Variants in RAC1 observed in about 807,000 individuals in gnomAD.
RAC1 encodes the protein ras-related C3 botulinum toxin substrate 1.
In RAC1, 2 loss-of-function variants were observed where a neutral mutation model predicts 25.2. The observed-to-expected ratio is 0.08, with a 90% confidence interval of 0.03 to 0.25. RAC1 has a LOEUF of 0.25. RAC1 is among the 10% of genes least tolerant of loss of function. The pLI is 1.00. For missense variants in RAC1, 50 were observed against 235.7 expected, an observed-to-expected ratio of 0.21 and a Z score of 5.16; for synonymous variants, 88 against 94.0, an observed-to-expected ratio of 0.94 and a Z score of 0.37.
chr7:6,382,949 G>C (rs1782812296), intron 1 of RAC1, among the ~76,000 whole-genome samples: 1 of 152,232 alleles, frequency 6.6e-6, no homozygotes, highest in African/African-American at 2.4e-5. Flanking sequence ...TATTTCTACA[G>C]GACAGGGCAG....
intron 3 of RAC1, chr7:6,399,811 T>A (rs1192373154): frequency 3.1e-6 from 1 of 320,678 alleles, no homozygotes; most frequent in Non-Finnish European, 5.8e-6. Context: ...TATACTTGAT[T>A]TTTTCATTTT....
At chr7:6,396,391 A>C (rs1783235494) in intron 3 of RAC1, among the ~76,000 whole-genome samples, 1 of 152,176 alleles carries the variant, frequency 6.6e-6, no homozygotes, top group African/African-American at 2.4e-5. Context: ...CAGAAGCACT[A>C]GACAGGGTTT....
intron 2 of RAC1, among the ~76,000 whole-genome samples, chr7:6,390,096 CTTTTTTTTT>C (rs34547258): frequency 1.3e-5 from 1 of 74,922 alleles, no homozygotes; most frequent in Admixed American, 2.1e-4. Context: ...CCCTCCCTCC[CTTTTTTTTT>C]TTTTTTTTTT....
intron 3 of RAC1, among the ~76,000 whole-genome samples, chr7:6,393,076 C>A (rs1044595363): frequency 6.6e-6 from 1 of 151,970 alleles, no homozygotes; most frequent in Non-Finnish European, 1.5e-5. Context: ...CTGGGTTGGC[C>A]GGAGGGATTG....
chr7:6,376,277 G>A (rs1373288066), intron 1 of RAC1, among the ~76,000 whole-genome samples: 1 of 134,100 alleles, frequency 7.5e-6, no homozygotes, highest in African/African-American at 2.9e-5. Context: ...CCGCCTCCCA[G>A]GTTCAAGCGA....
chr7:6,388,588 C>T (rs1215284936), intron 2 of RAC1, among the ~76,000 whole-genome samples: 1 of 151,980 alleles, frequency 6.6e-6, no homozygotes. Context: ...AGGTGATCTG[C>T]CCACTTCAGC....
chr7:6,376,417 C>G (rs1293566053), intron 1 of RAC1, among the ~76,000 whole-genome samples: 1 of 151,318 alleles, frequency 6.6e-6, no homozygotes, highest in Non-Finnish European at 1.5e-5. Context: ...TTCCTGACCT[C>G]AGGTGATCCA....
intron 2 of RAC1, among the ~76,000 whole-genome samples, chr7:6,388,854 A>G (rs966302309): frequency 2.0e-5 from 3 of 152,216 alleles, no homozygotes; most frequent in Non-Finnish European, 4.4e-5. Context: ...TACACTTGAT[A>G]GATTATTAGA....
At chr7:6,378,486 C>T (rs1043164091) in intron 1 of RAC1, among the ~76,000 whole-genome samples, 3 of 151,826 alleles carry the variant, frequency 2.0e-5, no homozygotes, top group Admixed American at 6.6e-5. Flanking sequence ...GCGGAAGTTG[C>T]AGTGAGCTGA....
At position 6,387,297 on chromosome 7, in the gene RAC1, A is replaced by G. The variant is rs759628193; in HGVS notation, c.107+14A>G. 4.0e-6 allele frequency: 6 copies of G among 1,512,432 alleles called. No individual in the cohort carries two copies. Among genetic ancestry groups the G allele is most frequent in the South Asian group, 1.2e-5 (1 of 82,600 alleles). 93.7% of individuals were successfully genotyped at this position (1,512,432 alleles called of 1,614,324 possible). On this transcript the variant is annotated intron_variant, in intron 2 of 5. Coordinates refer to ENST00000348035, the MANE Select transcript of RAC1 (RefSeq NM_006908.5). ...TATCCCTACTGTGTAAGTATCTTAA[A>G]TTGGGAATTAACCTGTTTGTGTTAC...
chr7:6,390,852 T>C (rs1011953152), intron 2 of RAC1, among the ~76,000 whole-genome samples: 4 of 152,180 alleles, frequency 2.6e-5, no homozygotes, highest in East Asian at 1.9e-4. Context: ...TTTTTTCTTA[T>C]GGAAATATAA....
At chr7:6,398,055 A>T (rs913000095) in intron 3 of RAC1, among the ~76,000 whole-genome samples, 25 of 152,192 alleles carry the variant, frequency 1.6e-4, no homozygotes, top group African/African-American at 6.0e-4. Context: ...TGGAGGTCTT[A>T]GTGTCAGCAA....
At chr7:6,378,204 T>G (rs1002132677) in intron 1 of RAC1, among the ~76,000 whole-genome samples, 9 of 152,128 alleles carry the variant, frequency 5.9e-5, no homozygotes, top group Non-Finnish European at 1.0e-4. Context: ...TGGGATGAGT[T>G]TTTTCCTTCT....
At chr7:6,379,630 G>A (rs957088009) in intron 1 of RAC1, among the ~76,000 whole-genome samples, 7 of 152,188 alleles carry the variant, frequency 4.6e-5, no homozygotes, top group East Asian at 3.8e-4. Flanking sequence ...GGTTGGTTTC[G>A]AACTCCTGAC....
intron 3 of RAC1, among the ~76,000 whole-genome samples, chr7:6,392,867 C>A (rs780924527): frequency 3.0e-4 from 46 of 152,220 alleles, no homozygotes; most frequent in Non-Finnish European, 5.6e-4. Context: ...CATCCTCTCT[C>A]CAGTCTTTGC....
intron 2 of RAC1, among the ~76,000 whole-genome samples, chr7:6,389,148 G>C (rs1437221121): frequency 6.6e-6 from 1 of 151,522 alleles, no homozygotes; most frequent in Non-Finnish European, 1.5e-5. Flanking sequence ...GTTGCAGTGA[G>C]CCAAGATTGT....
At chr7:6,396,983 A>T (rs1321614303) in intron 3 of RAC1, among the ~76,000 whole-genome samples, 34 of 150,162 alleles carry the variant, frequency 2.3e-4, no homozygotes, top group African/African-American at 7.8e-4. Flanking sequence ...GTGAGCCAAG[A>T]TCGTGCCACT....
At chr7:6,382,489 T>C (rs1001187811) in intron 1 of RAC1, among the ~76,000 whole-genome samples, 3 of 152,178 alleles carry the variant, frequency 2.0e-5, no homozygotes, top group Non-Finnish European at 4.4e-5. Flanking sequence ...TCTAGATTTG[T>C]TGATTGTGCT....
At chr7:6,390,148 G>A (rs539692408) in intron 2 of RAC1, among the ~76,000 whole-genome samples, 48 of 127,720 alleles carry the variant, frequency 3.8e-4, no homozygotes, top group Middle Eastern at 8.7e-3. Flanking sequence ...TGCCCAGGCC[G>A]GACTTGAAGT....
Sources: gnomAD v4.1 joint callset for allele counts (sites outside exome capture counted in the v4.1 genomes callset) on GRCh38, gnomAD v4.1.1 for gene constraint, MANE v1.5 for transcripts, NCBI Gene and HGNC (gene_info 2026-07-23, HGNC 2026-07-21) for gene names.